MTAP: variants seen among roughly 807,000 people sequenced by gnomAD.
The protein encoded by MTAP is methylthioadenosine phosphorylase.
MTAP carries 33 observed loss-of-function variants against 33.6 expected under a neutral mutation model. That is an observed-to-expected ratio of 0.98 (90% confidence interval 0.74 to 1.31). The LOEUF (loss-of-function observed/expected upper bound fraction) is 1.31, where lower values mean the gene tolerates loss of function less well. Among genes scored for constraint, MTAP ranks in the 40% most tolerant of loss-of-function variants. The probability of loss-of-function intolerance (pLI) is 0.00; values close to 1 mark genes in which losing one functional copy is unlikely to be tolerated. For missense variants in MTAP, 367 were observed against 360.0 expected (o/e 1.02, Z -0.16); for synonymous variants, 148 against 125.7 (o/e 1.18, Z -1.19).
intron 4 of MTAP, among the ~76,000 whole-genome samples, chr9:21,828,265 G>T (rs1479547721): frequency 6.6e-6 from 1 of 152,204 alleles, no homozygotes; most frequent in Non-Finnish European, 1.5e-5. Flanking sequence ...GTGGGATCTT[G>T]CATGTGTTAA....
chr9:21,833,307 C>G (rs1372484560), intron 4 of MTAP, among the ~76,000 whole-genome samples: 1 of 152,146 alleles, frequency 6.6e-6, no homozygotes, highest in Non-Finnish European at 1.5e-5. Flanking sequence ...CTCAGCCCCC[C>G]AAGTAGCTGG....
At chr9:21,919,373 CTTCA>C (rs751325627) in intron 1 of MTAP, among the ~76,000 whole-genome samples, 23 of 152,174 alleles carry the variant, frequency 1.5e-4, no homozygotes, top group African/African-American at 5.5e-4. Flanking sequence ...AATAATTTAA[CTTCA>C]TTCATAAAAA....
chr9:21,892,085 G>T (rs1426310286), intron 1 of MTAP: 2 of 152,188 alleles, frequency 1.3e-5, no homozygotes, highest in African/African-American at 4.8e-5. Context: ...AAGGGAATTT[G>T]TTACCATCAG....
rs1303822701 is a variant in MTAP at position 21,863,683 on chromosome 9, C to G, written c.*1669C>G. On this transcript the variant is annotated 3_prime_UTR_variant, in exon 8 of 8. Coordinates refer to ENST00000644715, the MANE Select transcript of MTAP (RefSeq NM_002451.4). The stretch of plus-strand genomic sequence containing the variant: ...CTTCAGTTTTTTATCATGGGGAGAT[C>G]TTTTTCCTCAGAATTGTTTTCTTTT... 6.1e-6 allele frequency: 6 copies of G among 985,292 alleles called. No homozygotes were observed. The East Asian group carries it at 3.4e-4, about 56-fold the overall frequency. The allele number at this position is 985,292 out of a possible 1,614,324, so 61.0% of individuals were successfully genotyped here.
Position 21,867,077 on chromosome 9 carries a change from C to T in MTAP, c.*5063C>T, listed in dbSNP as rs577389294. The T allele has an allele frequency of 6.6e-6, 1 of 152,036 alleles. No homozygotes were observed. The highest frequency in any genetic ancestry group is 1.9e-4 in the East Asian group (1 of 5,176). 9.4% of individuals were successfully genotyped at this position (152,036 alleles called of 1,614,324 possible). A position where few individuals can be genotyped will look rare whatever the true frequency, so the allele number is the denominator to read the frequency against. ...GTAATCTTATTAAATTCACTTAGTT[C>T]AGTAGTAGTTCTTATTTTTATTTTA... On this transcript the variant is annotated 3_prime_UTR_variant, in exon 8 of 8. Coordinates refer to ENST00000644715, the MANE Select transcript of MTAP (RefSeq NM_002451.4).
Position 21,922,031 on chromosome 9 carries a change from C to G in MTAP, c.148-8977C>G, listed in dbSNP as rs180935419. Among the ~76,000 whole-genome samples, 135 of 152,066 alleles carry G rather than the reference C, an allele frequency of 8.9e-4. No individual in the cohort carries two copies. The highest frequency in any genetic ancestry group is 3.1e-3 in the African/African-American group (128 of 41,476). ...AATAATAATTGGTTGCAGTCAGTGC[C>G]AGAGAAAGGCAGTCTCCCAATATAT... is the stretch of plus-strand genomic sequence containing the variant. On this transcript the variant is annotated intron_variant, in intron 1 of 1. Coordinates refer to the MTAP transcript ENST00000577563. The surrounding 1 kb of genome is among the most constrained non-coding windows in gnomAD (Gnocchi z 4.8).
intron 4 of MTAP, among the ~76,000 whole-genome samples, chr9:21,826,689 C>A (rs370777507): frequency 2.0e-5 from 3 of 150,690 alleles, no homozygotes; most frequent in East Asian, 1.9e-4. Context: ...TTTACCCCCC[C>A]AAAAAAACAA....
chr9:21,935,043 T>TACAC (rs1819021093), downstream of MTAP: 1 of 152,162 alleles, frequency 6.6e-6, no homozygotes, highest in South Asian at 2.1e-4. Flanking sequence ...TTGGCTAACA[T>TACAC]ACATATGCTG....
intron 5 of MTAP, among the ~76,000 whole-genome samples, chr9:21,850,077 A>G (rs937387938): frequency 2.0e-5 from 3 of 152,222 alleles, no homozygotes; most frequent in South Asian, 2.1e-4. Context: ...TGCTCCCACA[A>G]GATATCACAA....
chr9:21,851,094 C>G (rs987584582), intron 5 of MTAP, among the ~76,000 whole-genome samples: 2 of 152,188 alleles, frequency 1.3e-5, no homozygotes, highest in South Asian at 4.1e-4. Context: ...TTACCATGCC[C>G]TGTAATTAAG....
intron 5 of MTAP, among the ~76,000 whole-genome samples, chr9:21,853,698 G>A (rs892325946): frequency 5.3e-5 from 8 of 152,116 alleles, no homozygotes; most frequent in African/African-American, 1.9e-4. Flanking sequence ...TGCATACAGT[G>A]TTTACAGCGC....
chr9:21,854,075 C>T (rs1825577458), intron 5 of MTAP, among the ~76,000 whole-genome samples: 1 of 152,176 alleles, frequency 6.6e-6, no homozygotes, highest in East Asian at 1.9e-4. Context: ...AAACAATCAG[C>T]ACAACTCTGT....
At chr9:21,939,276 G>A (rs564361604), downstream of MTAP, among the ~76,000 whole-genome samples, 4 of 152,156 alleles carry the variant, frequency 2.6e-5, no homozygotes, top group Admixed American at 6.5e-5. Context: ...TATCAGCAGT[G>A]TGAAAACGGA....
chr9:21,845,862 C>T (rs796397872), intron 5 of MTAP, among the ~76,000 whole-genome samples: 4 of 152,268 alleles, frequency 2.6e-5, no homozygotes, highest in African/African-American at 7.2e-5. Context: ...TGACATCAAA[C>T]TATACTACAA....
At chr9:21,883,561 T>C (rs1818052271) in intron 1 of MTAP, among the ~76,000 whole-genome samples, 1 of 151,800 alleles carries the variant, frequency 6.6e-6, no homozygotes, top group African/African-American at 2.4e-5. Flanking sequence ...ACATGGAACT[T>C]TAATATCAGA....
chr9:21,847,541 C>G (rs773631760), intron 5 of MTAP, among the ~76,000 whole-genome samples: 3 of 152,190 alleles, frequency 2.0e-5, no homozygotes, highest in African/African-American at 2.4e-5. Flanking sequence ...TGATTCATCA[C>G]TCGTGAGAGG....
intron 5 of MTAP, among the ~76,000 whole-genome samples, chr9:21,840,597 C>T (rs955203350): frequency 1.3e-5 from 2 of 152,168 alleles, no homozygotes; most frequent in East Asian, 3.9e-4. Context: ...GATGTACTCC[C>T]AGTCTCCAGC....
intron 1 of MTAP, among the ~76,000 whole-genome samples, chr9:21,894,447 A>C (rs1818254656): frequency 6.6e-6 from 1 of 152,020 alleles, no homozygotes; most frequent in Non-Finnish European, 1.5e-5. Context: ...CAAATAGAAA[A>C]AAAAGAAGTC....
chr9:21,866,531 C>G lies in MTAP; in HGVS notation c.*4517C>G, dbSNP rs1028746938. ...TTACCTTGCCTACTCATTTAATTAC[C>G]TGTGTGCCCTTGTCAAAATTTACTG... is the stretch of plus-strand genomic sequence containing the variant. On this transcript the variant is annotated 3_prime_UTR_variant, in exon 8 of 8. Coordinates refer to ENST00000644715, the MANE Select transcript of MTAP (RefSeq NM_002451.4). 1 of 151,984 alleles carries G rather than the reference C, an allele frequency of 6.6e-6. No individual in the cohort carries two copies. Among genetic ancestry groups the G allele is most frequent in the South Asian group, 2.1e-4 (1 of 4,818 alleles). The allele number at this position is 151,984 out of a possible 1,614,324, so 9.4% of individuals were successfully genotyped here.
Sources: allele counts gnomAD v4.1 joint callset (sites outside exome capture counted in the v4.1 genomes callset), GRCh38; gene constraint gnomAD v4.1.1; non-coding constraint Gnocchi (gnomAD v3.1); transcripts MANE v1.5; gene names NCBI Gene and HGNC (gene_info 2026-07-23, HGNC 2026-07-21).